Variants in SEL1L2 observed in about 807,000 individuals in gnomAD.
SEL1L2 encodes the protein protein sel-1 homolog 2.
In SEL1L2, 89 loss-of-function variants were observed where a neutral mutation model predicts 98.8. The observed-to-expected ratio is 0.90, with a 90% confidence interval of 0.76 to 1.07. SEL1L2 has a LOEUF of 1.07. Among genes scored for constraint, SEL1L2 ranks in the 50% least tolerant of loss-of-function variants. The probability of loss-of-function intolerance (pLI) is 0.00; values close to 1 mark genes in which losing one functional copy is unlikely to be tolerated. For missense variants in SEL1L2, 788 were observed against 812.0 expected (o/e 0.97, Z 0.36); for synonymous variants, 262 against 278.5 (o/e 0.94, Z 0.59).
chr20:13,987,232 C>T (rs2052242991), intron 1 of SEL1L2, among the ~76,000 whole-genome samples: 1 of 151,810 alleles, frequency 6.6e-6, no homozygotes, highest in Non-Finnish European at 1.5e-5. Context: ...TCCACAGTGA[C>T]TATACCATTT....
chr20:13,895,705 T>A (rs1324301183), intron 5 of SEL1L2, among the ~76,000 whole-genome samples: 1 of 152,230 alleles, frequency 6.6e-6, no homozygotes, highest in Non-Finnish European at 1.5e-5. Flanking sequence ...ATGCCCACTT[T>A]TGCTACTTCC....
intron 5 of SEL1L2, among the ~76,000 whole-genome samples, chr20:13,899,173 T>A (rs1052363961): frequency 5.7e-4 from 86 of 152,210 alleles, no homozygotes; most frequent in Non-Finnish European, 1.3e-4. Context: ...ATTTTGTAAG[T>A]TCCTTCATGT....
chr20:13,955,305 G>A (rs550213341), intron 2 of SEL1L2, among the ~76,000 whole-genome samples: 1 of 152,186 alleles, frequency 6.6e-6, no homozygotes, highest in East Asian at 1.9e-4. Flanking sequence ...CAATTTTAGA[G>A]AGTGATTGTA....
chr20:13,849,869 C>A, intron 19 of SEL1L2: 1 of 547,210 alleles, frequency 1.8e-6, no homozygotes, highest in Non-Finnish European at 3.2e-6. Context: ...CTGCCGTCTG[C>A]CTACCAGTCT....
chr20:13,891,533 G>C (rs534245875), intron 5 of SEL1L2, among the ~76,000 whole-genome samples: 86 of 152,064 alleles, frequency 5.7e-4, no homozygotes, highest in African/African-American at 1.9e-3. Flanking sequence ...TGGGCATGGT[G>C]GTGCATGCCT....
intron 1 of SEL1L2, among the ~76,000 whole-genome samples, chr20:13,985,156 A>C (rs1225716326): frequency 1.3e-5 from 2 of 152,132 alleles, no homozygotes; most frequent in East Asian, 3.9e-4. Flanking sequence ...TCATTTTTCT[A>C]AGGCATAATT....
intron 14 of SEL1L2, among the ~76,000 whole-genome samples, chr20:13,868,563 G>C (rs775510361): frequency 6.6e-6 from 1 of 150,832 alleles, no homozygotes; most frequent in Non-Finnish European, 1.5e-5. Context: ...CTCACCCACA[G>C]TCTCTGTATT....
intron 10 of SEL1L2, among the ~76,000 whole-genome samples, chr20:13,880,771 C>G (rs2046660146): frequency 6.6e-6 from 1 of 152,012 alleles, no homozygotes; most frequent in Admixed American, 6.6e-5. Context: ...TTCTTTTTTT[C>G]TTCCTCAGAA....
At chr20:13,916,279 G>C (rs1157444161) in intron 4 of SEL1L2, among the ~76,000 whole-genome samples, 1 of 152,144 alleles carries the variant, frequency 6.6e-6, no homozygotes, top group South Asian at 2.1e-4. Context: ...GCAAAGAGAG[G>C]GTAGGATAGA....
Position 13,939,040 on chromosome 20 carries a change from G to GTTTTTTTTTTTTTTTTTTTTTTTTT in SEL1L2, c.115-7270_115-7269insAAAAAAAAAAAAAAAAAAAAAAAAA, listed in dbSNP as rs386365633. On this transcript the variant is annotated intron_variant, in intron 2 of 19. Coordinates refer to ENST00000284951, the MANE Select transcript of SEL1L2 (RefSeq NM_025229.2). ...TCTTTTTGGTTTGTTTGCTTGTTTT[G>GTTTTTTTTTTTTTTTTTTTTTTTTT]TTTTTTTTTTTTTTTTTTTCTGAGA... Among the ~76,000 whole-genome samples, 24 of 114,080 alleles carry GTTTTTTTTTTTTTTTTTTTTTTTTT rather than the reference G, an allele frequency of 2.1e-4. 1 individual carries two copies. Among genetic ancestry groups the GTTTTTTTTTTTTTTTTTTTTTTTTT allele is most frequent in the African/African-American group, 8.0e-4 (23 of 28,890 alleles). 74.8% of individuals were successfully genotyped at this position (114,080 alleles called of 152,430 possible).
chr20:13,858,590 G>T (rs145083355), intron 18 of SEL1L2, among the ~76,000 whole-genome samples: 5 of 152,268 alleles, frequency 3.3e-5, no homozygotes, highest in Non-Finnish European at 5.9e-5. Flanking sequence ...TATTATTATC[G>T]TTATTGATAC....
chr20:13,902,246 A>C (rs1712470828), intron 5 of SEL1L2, among the ~76,000 whole-genome samples: 1 of 152,126 alleles, frequency 6.6e-6, no homozygotes, highest in Admixed American at 6.5e-5. Flanking sequence ...CCACTGATTG[A>C]TTAGGGGTGG....
intron 3 of SEL1L2, 113 bp from the exon 4 acceptor site, chr20:13,919,236 TTAAACC>T (rs2048545838): frequency 3.1e-6 from 2 of 639,802 alleles, no homozygotes; most frequent in Non-Finnish European, 5.2e-6. Flanking sequence ...TACTTATTTT[TTAAACC>T]TCTGCATTCA....
chr20:13,861,917 C>T (rs536105977), intron 17 of SEL1L2, among the ~76,000 whole-genome samples: 13 of 152,288 alleles, frequency 8.5e-5, no homozygotes, highest in Admixed American at 7.2e-4. Context: ...AGGCCGTCTC[C>T]GACTACCTTG....
chr20:13,914,023 TTCTC>T (rs2048306590), intron 4 of SEL1L2, 79 bp from the exon 5 acceptor site: 1 of 1,256,714 alleles, frequency 8.0e-7, no homozygotes, highest in South Asian at 1.5e-5. Flanking sequence ...TTCATACTAC[TTCTC>T]TCTAACAAGC....
chr20:13,889,573 C>A (rs533242451), intron 5 of SEL1L2, among the ~76,000 whole-genome samples: 4 of 151,988 alleles, frequency 2.6e-5, no homozygotes, highest in Admixed American at 2.6e-4. Context: ...GGGTGGATCA[C>A]GAGGTCAGGA....
intron 1 of SEL1L2, among the ~76,000 whole-genome samples, chr20:13,975,437 G>A (rs1415439730): frequency 1.3e-5 from 2 of 152,134 alleles, no homozygotes; most frequent in Non-Finnish European, 2.9e-5. Context: ...CAGTCCTTTG[G>A]AGAATTCAAA....
At chr20:13,859,220 C>T in intron 18 of SEL1L2, 42 bp downstream of exon 18, 1 of 1,547,536 alleles carries the variant, frequency 6.5e-7, no homozygotes, top group Non-Finnish European at 8.9e-7. Flanking sequence ...TCTTCTCACA[C>T]AGCTGTCATT....
At chr20:13,879,231 A>G (rs148565277) in intron 10 of SEL1L2, among the ~76,000 whole-genome samples, 1 of 152,350 alleles carries the variant, frequency 6.6e-6, no homozygotes, top group East Asian at 1.9e-4. Context: ...ATGTGTTCAG[A>G]AAATAGTGAT....
Sources: allele counts gnomAD v4.1 joint callset (sites outside exome capture counted in the v4.1 genomes callset), GRCh38; gene constraint gnomAD v4.1.1; transcripts MANE v1.5; gene names NCBI Gene and HGNC (gene_info 2026-07-23, HGNC 2026-07-21).